The following FBXO11 variants were observed in gnomAD, a reference collection of about 807,000 sequenced individuals.
FBXO11 encodes the protein F-box only protein 11.
FBXO11 carries 13 observed loss-of-function variants against 117.0 expected under a neutral mutation model. That is an observed-to-expected ratio of 0.11 (90% CI 0.07 to 0.18). FBXO11 has a LOEUF of 0.18. Among genes scored for constraint, FBXO11 ranks in the 10% least tolerant of loss-of-function variants. FBXO11 has a pLI of 1.00. For missense variants in FBXO11, 767 were observed against 1,164.4 expected, an observed-to-expected ratio of 0.66 and a Z score of 4.97; for synonymous variants, 490 against 380.5, an observed-to-expected ratio of 1.29 and a Z score of -3.35.
In FBXO11 at chr2:47,846,250, C is replaced by A. The variant is rs550277994; in HGVS notation, c.233-6481G>T. On this transcript the variant is annotated intron_variant, in intron 1 of 22. Coordinates refer to ENST00000403359, the MANE Select transcript of FBXO11 (RefSeq NM_001190274.2). ...TAGGAGGCCCAGGCGGGCAGATCAT[C>A]TGAGGTTGGGAGTTCTAGACCAGCC... Among the ~76,000 whole-genome samples the A allele has an allele frequency of 1.3e-4, 20 of 152,208 alleles. No homozygotes were observed. In the South Asian group the frequency reaches 4.1e-3, roughly 32 times the overall value.
intron 1 of FBXO11, among the ~76,000 whole-genome samples, chr2:47,859,330 T>G (rs1188914058): frequency 6.6e-6 from 1 of 152,184 alleles, no homozygotes; most frequent in Non-Finnish European, 1.5e-5. Flanking sequence ...ATTAAGGATT[T>G]AGAGAACTTG....
chr2:47,813,198 CTG>C, intron 18 of FBXO11, 34 bp downstream of exon 18: 2 of 1,598,848 alleles, frequency 1.3e-6, no homozygotes, highest in Non-Finnish European at 1.7e-6. Flanking sequence ...TAATGGAAAA[CTG>C]GATTTTTCAC....
chr2:47,854,320 C>A (rs1674103513), intron 1 of FBXO11, among the ~76,000 whole-genome samples: 2 of 150,998 alleles, frequency 1.3e-5, no homozygotes, highest in Non-Finnish European at 2.9e-5. Flanking sequence ...CTGCTTAGAA[C>A]ACCCCTTTCT....
chr2:47,811,578 A>C (rs917865753), intron 18 of FBXO11: 3 of 152,250 alleles, frequency 2.0e-5, no homozygotes, highest in Admixed American at 1.3e-4. Context: ...TTCTGGTCAT[A>C]ACCAATTTGG....
At chr2:47,864,789 G>C (rs1326704257) in intron 1 of FBXO11, among the ~76,000 whole-genome samples, 1 of 152,164 alleles carries the variant, frequency 6.6e-6, no homozygotes, top group Non-Finnish European at 1.5e-5. Flanking sequence ...CACATCAAGT[G>C]ACAGAATTGA....
At position 47,880,880 on chromosome 2, in the gene FBXO11, AG is replaced by A. The variant is rs199922625; in HGVS notation, c.232+24608del. ...TAGGTGTGTACCTTGTATAAACCAGAGAGTGGGTTTTGCCTTGAATCTAAGC... is the reference window on the plus strand; with the variant it reads ...TAGGTGTGTACCTTGTATAAACCAGAAGTGGGTTTTGCCTTGAATCTAAGC... On this transcript the variant is annotated intron_variant, in intron 1 of 22. Coordinates refer to ENST00000403359, the MANE Select transcript of FBXO11 (RefSeq NM_001190274.2). 2.1e-3 allele frequency among the ~76,000 whole-genome samples: 323 copies of A among 152,320 alleles called. 2 individuals are homozygous for A. The highest frequency in any genetic ancestry group is 7.4e-3 in the African/African-American group (308 of 41,572).
Position 47,835,973 on chromosome 2 carries a change from A to T in FBXO11, c.616T>A (p.Tyr206Asn). 1 of 1,608,958 alleles carries T rather than the reference A, an allele frequency of 6.2e-7. No individual in the cohort carries two copies. The highest frequency in any genetic ancestry group is 8.5e-7 in the Non-Finnish European group (1 of 1,176,672). Residue 206 changes from tyrosine (Y) to asparagine (N), a missense_variant, in exon 5 of 23, where the codon TAT (tyrosine) becomes AAT (asparagine). Tyr to Asn is a moderately radical substitution (Grantham distance 143). Coordinates refer to ENST00000403359, the MANE Select transcript of FBXO11 (RefSeq NM_001190274.2). ...WKRLYMEVFE[Y>N]TRPMMHPEPG... ...TCAGGATGCATCATAGGGCGAGTAT[A>T]TTCAAATACTTCCATATATAATCGT...
Position 47,896,484 on chromosome 2 carries a change from C to T in FBXO11, c.232+9005G>A, listed in dbSNP as rs777121360. On this transcript the variant is annotated intron_variant, in intron 1 of 22. Coordinates refer to ENST00000403359, the MANE Select transcript of FBXO11 (RefSeq NM_001190274.2). Reference sequence around the variant, plus strand: ...AGCTGGGACTACAGGCATGGGCCACCACCCCACAGCTAACTTTGTATTTTC... The same window carrying T: ...AGCTGGGACTACAGGCATGGGCCACTACCCCACAGCTAACTTTGTATTTTC... Among the ~76,000 whole-genome samples the T allele has an allele frequency of 5.3e-5, 8 of 152,242 alleles. No individual in the cohort carries two copies. In the East Asian group the frequency reaches 1.4e-3, roughly 26 times the overall value.
At chr2:47,825,571 CTTT>C (rs751404253) in intron 11 of FBXO11, among the ~76,000 whole-genome samples, 10 of 88,294 alleles carry the variant, frequency 1.1e-4, no homozygotes, top group South Asian at 1.1e-3. Context: ...TCTTCTTCTT[CTTT>C]TTTTTTTTTT....
At chr2:47,892,279 C>T (rs577483145) in intron 1 of FBXO11, among the ~76,000 whole-genome samples, 1 of 152,284 alleles carries the variant, frequency 6.6e-6, no homozygotes, top group East Asian at 1.9e-4. Context: ...AAAATCAACT[C>T]GCCACCACCA....
chr2:47,885,789 A>C (rs551763183), intron 1 of FBXO11, among the ~76,000 whole-genome samples: 2 of 152,316 alleles, frequency 1.3e-5, no homozygotes, highest in South Asian at 4.1e-4. Flanking sequence ...CAACAAAGTA[A>C]AATTCTGTCC....
chr2:47,828,893 CTA>C (rs1671968246), intron 11 of FBXO11, among the ~76,000 whole-genome samples: 1 of 152,136 alleles, frequency 6.6e-6, no homozygotes, highest in Non-Finnish European at 1.5e-5. Flanking sequence ...GTGATGAAAT[CTA>C]ATGGCATGAA....
intron 1 of FBXO11, among the ~76,000 whole-genome samples, chr2:47,841,280 T>G (rs1239808027): frequency 1.3e-5 from 2 of 152,136 alleles, no homozygotes; most frequent in Non-Finnish European, 2.9e-5. Context: ...TTACATAAAC[T>G]GAATCACCAG....
At chr2:47,901,158 T>C (rs1049555476) in intron 1 of FBXO11, among the ~76,000 whole-genome samples, 4 of 121,498 alleles carry the variant, frequency 3.3e-5, no homozygotes, top group Non-Finnish European at 7.7e-5. Flanking sequence ...TGTGTACATA[T>C]ATACATATAT....
chr2:47,843,423 T>C (rs375404343), intron 1 of FBXO11, among the ~76,000 whole-genome samples: 2 of 151,524 alleles, frequency 1.3e-5, no homozygotes, highest in South Asian at 2.1e-4. Flanking sequence ...ACCATATTTG[T>C]AGTTAATCTT....
At chr2:47,876,314 A>G (rs1344198385) in intron 1 of FBXO11, among the ~76,000 whole-genome samples, 2 of 152,006 alleles carry the variant, frequency 1.3e-5, no homozygotes, top group Non-Finnish European at 2.9e-5. Context: ...TTTGCAATCA[A>G]CTCAACTTGA....
intron 1 of FBXO11, among the ~76,000 whole-genome samples, chr2:47,864,553 C>A (rs1238681610): frequency 6.6e-6 from 1 of 152,216 alleles, no homozygotes; most frequent in African/African-American, 2.4e-5. Flanking sequence ...CACCACTGCA[C>A]TCCAGGCTGG....
chr2:47,853,540 T>C (rs1283306898), intron 1 of FBXO11, among the ~76,000 whole-genome samples: 1 of 152,096 alleles, frequency 6.6e-6, no homozygotes, highest in East Asian at 1.9e-4. Flanking sequence ...TGACTAAGGA[T>C]ACAAGCTCAA....
At chr2:47,898,486 C>G (rs372299873) in intron 1 of FBXO11, among the ~76,000 whole-genome samples, 1 of 152,180 alleles carries the variant, frequency 6.6e-6, no homozygotes, top group East Asian at 1.9e-4. Context: ...AGCCTACAAC[C>G]ATGAGCTAAA....
Sources: gnomAD v4.1 joint callset for allele counts (sites outside exome capture counted in the v4.1 genomes callset) on GRCh38, gnomAD v4.1.1 for gene constraint, MANE v1.5 for transcripts, NCBI Gene and HGNC (gene_info 2026-07-23, HGNC 2026-07-21) for gene names.